AQP11: variants seen among roughly 807,000 people sequenced by gnomAD.
AQP11 encodes aquaporin-11.
AQP11 carries 20 observed loss-of-function variants against 21.1 expected under a neutral mutation model. The observed-to-expected ratio is 0.95, with a 90% CI of 0.67 to 1.38. The LOEUF is 1.38. Ranked by LOEUF, AQP11 falls within the 40% of genes most tolerant of loss-of-function variation. The pLI is 0.00. For synonymous variants in AQP11, 167 were observed against 150.1 expected (o/e 1.11, Z -0.82); for missense variants, 339 against 340.4 (o/e 1.00, Z 0.03).
In AQP11 at chr11:77,590,539, C is replaced by G. The variant is rs1331540328; in HGVS notation, c.547C>G (p.His183Asp). The stretch of plus-strand genomic sequence containing the variant: ...CTTTCTCTTCCACAGCGCTCTGCTG[C>G]ACTTCCAGGAAGTCCGAACCAAGCT... ...CSFLFHSALLHFQEVRTKLRI... is the reference protein window; with the variant it reads ...CSFLFHSALLDFQEVRTKLRI... Residue 183 changes from histidine to aspartate, a missense_variant, in exon 1 of 3, where the codon CAC becomes GAC. Transcript: ENST00000313578. The G allele has an allele frequency of 6.2e-7, 1 of 1,614,224 alleles. No homozygotes were observed. The highest frequency in any genetic ancestry group is 1.1e-5 in the South Asian group (1 of 91,080).
intron 1 of AQP11, among the ~76,000 whole-genome samples, chr11:77,598,681 G>A (rs1417234362): frequency 6.6e-6 from 1 of 152,050 alleles, no homozygotes; most frequent in Non-Finnish European, 1.5e-5. Flanking sequence ...TGATGTTTGT[G>A]TTACAACCTT....
rs113930327 is a variant in AQP11 at position 77,604,979 on chromosome 11, G to A, written c.736+1307G>A. On this transcript the variant is annotated intron_variant, in intron 2 of 2. Transcript: ENST00000313578. ...GAGGCCGAGGCAGGCAGATCATGAG[G>A]TCAGGGGATTGAGACCATCCTGGCT... is the stretch of plus-strand genomic sequence containing the variant. Among the ~76,000 whole-genome samples, 849 of 152,230 alleles carry A rather than the reference G, an allele frequency of 5.6e-3. 8 individuals are homozygous for A. The highest frequency in any genetic ancestry group is 0.02 in the African/African-American group (813 of 41,522).
intron 2 of AQP11, among the ~76,000 whole-genome samples, chr11:77,608,942 G>A (rs1958861673): frequency 6.6e-6 from 1 of 152,112 alleles, no homozygotes; most frequent in African/African-American, 2.4e-5. Flanking sequence ...AGAAAATGAA[G>A]ACCCAAGTCT....
rs1377456414 is a variant in AQP11 at position 77,595,780 on chromosome 11, G to A, written c.619+5169G>A. Reference sequence around the variant, plus strand: ...CTACTAAAAATACAAAATTAGCTGGGTATGGTGGTGGGCACCTGTAATCCC... The same window carrying A: ...CTACTAAAAATACAAAATTAGCTGGATATGGTGGTGGGCACCTGTAATCCC... On this transcript the variant is annotated intron_variant, in intron 1 of 2. Coordinates refer to ENST00000313578, the MANE Select transcript of AQP11 (RefSeq NM_173039.3). Among the ~76,000 whole-genome samples, 3 of 151,894 alleles carry A rather than the reference G, an allele frequency of 2.0e-5. No individual in the cohort carries two copies. In the East Asian group the frequency reaches 5.9e-4, roughly 30 times the overall value.
chr11:77,597,031 AT>A (rs1283676016), intron 1 of AQP11, among the ~76,000 whole-genome samples: 2 of 152,150 alleles, frequency 1.3e-5, no homozygotes, highest in African/African-American at 4.8e-5. Flanking sequence ...ATTATTTATT[AT>A]TATTATTTCC....
chr11:77,590,400 C>G lies in AQP11; in HGVS notation c.408C>G (p.Ser136Arg). 6.2e-7 allele frequency: 1 copy of G among 1,613,976 alleles called. No homozygotes were observed. Among genetic ancestry groups the G allele is most frequent in the Non-Finnish European group, 8.5e-7 (1 of 1,180,018 alleles). ...CCCTGTGCAGCAGGTACTGCACAAG[C>G]GCCTTGTGGAGCTTGGGTCTGACCC... ...VSALCSRYCTSALWSLGLTQY... is the reference protein window; with the variant it reads ...VSALCSRYCTRALWSLGLTQY... Residue 136 changes from serine (S) to arginine (R), a missense_variant, in exon 1 of 3, where the codon AGC becomes AGG. By Grantham distance (110) the Ser-to-Arg change is moderately radical (BLOSUM62 -1). Coordinates refer to ENST00000313578, the MANE Select transcript of AQP11 (RefSeq NM_173039.3).
chr11:77,595,240 C>T (rs1396023112), intron 1 of AQP11, among the ~76,000 whole-genome samples: 9 of 152,068 alleles, frequency 5.9e-5, no homozygotes, highest in Non-Finnish European at 1.3e-4. Flanking sequence ...ACTCAGGAGG[C>T]AGAGACAGGA....
chr11:77,608,593 A>G (rs1958859702), intron 2 of AQP11, among the ~76,000 whole-genome samples: 1 of 152,258 alleles, frequency 6.6e-6, no homozygotes, highest in Non-Finnish European at 1.5e-5. Context: ...AGCCTGGGCG[A>G]AAGAGCAAAA....
chr11:77,593,897 T>A (rs1246939608), intron 1 of AQP11, among the ~76,000 whole-genome samples: 1 of 152,210 alleles, frequency 6.6e-6, no homozygotes, highest in Admixed American at 6.5e-5. Flanking sequence ...AATGAAGTTA[T>A]GATGTATACT....
At chr11:77,594,178 T>C (rs1243900007) in intron 1 of AQP11, among the ~76,000 whole-genome samples, 3 of 152,226 alleles carry the variant, frequency 2.0e-5, no homozygotes, top group South Asian at 2.1e-4. Context: ...CAATGACTTA[T>C]ACACTTAAAA....
chr11:77,601,997 T>TTCTA (rs58042100), intron 1 of AQP11, among the ~76,000 whole-genome samples: 27,377 of 152,076 alleles, frequency 0.18, 3,114 homozygotes, highest in African/African-American at 0.31. Context: ...CTCTGCTGCA[T>TTCTA]TCTATCAACA....
At chr11:77,599,255 T>G (rs1019306431) in intron 1 of AQP11, among the ~76,000 whole-genome samples, 1 of 152,022 alleles carries the variant, frequency 6.6e-6, no homozygotes, top group Admixed American at 6.6e-5. Flanking sequence ...CACAGCCGGC[T>G]AATTTTTCTT....
chr11:77,608,159 A>C (rs549992282), intron 2 of AQP11, among the ~76,000 whole-genome samples: 10 of 152,228 alleles, frequency 6.6e-5, no homozygotes, highest in Non-Finnish European at 1.3e-4. Context: ...GAATACATTC[A>C]GTTTAAGATG....
chr11:77,606,065 C>T (rs938899264), intron 2 of AQP11, among the ~76,000 whole-genome samples: 3 of 122,076 alleles, frequency 2.5e-5, no homozygotes, highest in Non-Finnish European at 5.1e-5. Flanking sequence ...AAAAAAAAAG[C>T]ACAGTGGCAC....
Position 77,603,564 on chromosome 11 carries a change from C to CT in AQP11, c.629dup (p.Thr211AsnfsTer6). On this transcript the variant is annotated frameshift_variant, in exon 2 of 3. Transcript: ENST00000313578. LOFTEE classifies it high-confidence loss of function. Reference sequence around the variant, plus strand: ...CTTAAAATCTGTTACAGGAGGAAGTCTAACAGGAGCTGTATTTAATCCAGC... The same window carrying CT: ...CTTAAAATCTGTTACAGGAGGAAGTCTTAACAGGAGCTGTATTTAATCCAGC... 1 of 1,585,150 alleles carries CT rather than the reference C, an allele frequency of 6.3e-7. No homozygotes were observed. The highest frequency in any genetic ancestry group is 8.6e-7 in the Non-Finnish European group (1 of 1,168,146).
At chr11:77,603,933 AAAT>A (rs1958829873) in intron 2 of AQP11, among the ~76,000 whole-genome samples, 1 of 117,390 alleles carries the variant, frequency 8.5e-6, no homozygotes, top group African/African-American at 3.1e-5. Context: ...TTCCCTTCAA[AAAT>A]AATCTTTTTT....
intron 1 of AQP11, among the ~76,000 whole-genome samples, chr11:77,595,672 AGCACTTTGGGAG>A (rs1958774189): frequency 6.6e-6 from 1 of 152,240 alleles, no homozygotes; most frequent in Admixed American, 6.5e-5. Flanking sequence ...CTGTAATCCC[AGCACTTTGGGAG>A]GCAGAGGCAG....
At position 77,590,087 on chromosome 11, in the gene AQP11, G is replaced by A; in HGVS notation, c.95G>A (p.Arg32His). The change falls in exon 1 of 3, where the codon CGC becomes CAC. Residue 32 changes from arginine to histidine, a missense_variant. Transcript: ENST00000313578. ...LSVVLLMGLA[R>H]VVARQQLHRP... ...GTGGTGCTGCTCATGGGGCTGGCCCGCGTAGTCGCCCGGCAGCAGCTGCAC... is the reference window on the plus strand; with the variant it reads ...GTGGTGCTGCTCATGGGGCTGGCCCACGTAGTCGCCCGGCAGCAGCTGCAC... The A allele has an allele frequency of 2.5e-6, 4 of 1,607,356 alleles. No individual in the cohort carries two copies. Among genetic ancestry groups the A allele is most frequent in the Non-Finnish European group, 3.4e-6 (4 of 1,179,376 alleles).
intron 1 of AQP11, among the ~76,000 whole-genome samples, chr11:77,596,468 A>ATGTAAATATATATGTGTAAATATATG (rs1565117380): frequency 2.8e-5 from 4 of 141,424 alleles, no homozygotes; most frequent in Non-Finnish European, 3.1e-5. Flanking sequence ...ATATATATAT[A>ATGTAAATATATATGTGTAAATATATG]TGTAAATATA....
Sources: allele counts gnomAD v4.1 joint callset (sites outside exome capture counted in the v4.1 genomes callset), GRCh38; gene constraint gnomAD v4.1.1; transcripts MANE v1.5; gene names NCBI Gene and HGNC (gene_info 2026-07-23, HGNC 2026-07-21).